The following MAGI1 variants were observed in gnomAD, a reference collection of about 807,000 sequenced individuals.
MAGI1 encodes membrane associated guanylate kinase, WW and PDZ domain containing 1.
MAGI1 carries 58 observed loss-of-function variants against 139.9 expected under a neutral mutation model. That is an observed-to-expected ratio of 0.41 (90% CI 0.34 to 0.52). The LOEUF is 0.52. MAGI1 is among the 20% of genes least tolerant of loss of function. The pLI is 0.12. For missense variants in MAGI1, 1,874 were observed against 1,901.6 expected (o/e 0.99, Z 0.27); for synonymous variants, 812 against 737.9 (o/e 1.10, Z -1.63).
At chr3:65,640,736 G>A (rs1176669517) in intron 1 of MAGI1, among the ~76,000 whole-genome samples, 1 of 152,170 alleles carries the variant, frequency 6.6e-6, no homozygotes, top group Non-Finnish European at 1.5e-5. Flanking sequence ...CTTATATACT[G>A]ACGTATTTAC....
intron 1 of MAGI1, among the ~76,000 whole-genome samples, chr3:65,811,204 T>C (rs1378908294): frequency 6.6e-6 from 1 of 152,220 alleles, no homozygotes; most frequent in Non-Finnish European, 1.5e-5. Context: ...TCTTGGCTCT[T>C]CAACATTTGA....
chr3:65,478,904 T>A, intron 3 of MAGI1, 106 bp from the exon 4 acceptor site: 3 of 818,730 alleles, frequency 3.7e-6, no homozygotes, highest in Non-Finnish European at 6.1e-6. Context: ...AAAATTAAAC[T>A]AGAAAACCAG....
intron 1 of MAGI1, among the ~76,000 whole-genome samples, chr3:65,857,340 T>C (rs9820754): frequency 0.026 from 4,031 of 152,352 alleles, 81 homozygotes; most frequent in Middle Eastern, 0.068. Context: ...AGATGTCCTA[T>C]TCTTCACATT....
In MAGI1 at chr3:65,373,614, G is replaced by C. The variant is rs567817498; in HGVS notation, c.3196+2131C>G. 3.3e-4 allele frequency among the ~76,000 whole-genome samples: 50 copies of C among 152,226 alleles called. 1 individual carries two copies. The highest frequency in any genetic ancestry group is 6.0e-4 in the Non-Finnish European group (41 of 68,024). ...GCAATAAAATGAAGTGCAATGAAAG[G>C]GGGGATGTCTGGACCGCATTTGGCT... On this transcript the variant is annotated intron_variant, in intron 18 of 22. Transcript: ENST00000402939.
intron 1 of MAGI1, among the ~76,000 whole-genome samples, chr3:65,763,684 A>C (rs1046520929): frequency 1.3e-5 from 2 of 152,186 alleles, no homozygotes; most frequent in African/African-American, 4.8e-5. Flanking sequence ...TCCCTACACT[A>C]ATGGTAACAA....
chr3:65,609,800 C>A, intron 2 of MAGI1: 1 of 331,502 alleles, frequency 3.0e-6, no homozygotes, highest in Non-Finnish European at 6.1e-6. Flanking sequence ...TGGTCTCAAA[C>A]TCCTGGGCTC....
At chr3:65,782,202 A>G (rs564497468) in intron 1 of MAGI1, among the ~76,000 whole-genome samples, 1 of 152,306 alleles carries the variant, frequency 6.6e-6, no homozygotes, top group East Asian at 1.9e-4. Flanking sequence ...AATTAAGGTC[A>G]CTAATTATGG....
At position 65,692,507 on chromosome 3, in the gene MAGI1, CA is replaced by C. The variant is rs559433122; in HGVS notation, c.314-70420del. 1.2e-4 allele frequency among the ~76,000 whole-genome samples: 19 copies of C among 152,290 alleles called. No individual in the cohort carries two copies. The East Asian group carries it at 3.7e-3, about 29-fold the overall frequency. On this transcript the variant is annotated intron_variant, in intron 1 of 22. Transcript: ENST00000402939. ...TTGACTTACCCTACATAGACTTACACAATTCATATATCCCTGAGAGATAGCC... is the reference window on the plus strand; with the variant it reads ...TTGACTTACCCTACATAGACTTACACATTCATATATCCCTGAGAGATAGCC...
intron 1 of MAGI1, among the ~76,000 whole-genome samples, chr3:65,685,431 A>G (rs984829525): frequency 5.3e-5 from 8 of 152,156 alleles, no homozygotes; most frequent in African/African-American, 1.9e-4. Context: ...CTTAGTTTTC[A>G]AACAGTCTCT....
chr3:65,539,970 G>T (rs1347968632), intron 2 of MAGI1, among the ~76,000 whole-genome samples: 2 of 152,016 alleles, frequency 1.3e-5, no homozygotes, highest in Admixed American at 1.3e-4. Flanking sequence ...CTTACTACCT[G>T]AACTCAGGCA....
chr3:65,635,119 C>T (rs774455740), intron 1 of MAGI1, among the ~76,000 whole-genome samples: 3 of 151,944 alleles, frequency 2.0e-5, no homozygotes. Context: ...GGCTGGAGTA[C>T]AATGGTGTGG....
chr3:66,007,843 A>C (rs2067110213), intron 1 of MAGI1, among the ~76,000 whole-genome samples: 1 of 152,078 alleles, frequency 6.6e-6, no homozygotes, highest in Admixed American at 6.6e-5. Flanking sequence ...AGGAGGGAAG[A>C]ATGTGTGCCC....
intron 2 of MAGI1, among the ~76,000 whole-genome samples, chr3:65,538,740 C>A (rs1377947218): frequency 6.6e-6 from 1 of 152,110 alleles, no homozygotes; most frequent in Non-Finnish European, 1.5e-5. Context: ...GGAAGGGCAG[C>A]AGTCAGACCC....
chr3:65,931,269 G>A (rs1045445747), intron 1 of MAGI1, among the ~76,000 whole-genome samples: 6 of 152,088 alleles, frequency 3.9e-5, no homozygotes, highest in African/African-American at 9.7e-5. Flanking sequence ...TGTTGACCTC[G>A]TGATCCACCC....
intron 1 of MAGI1, among the ~76,000 whole-genome samples, chr3:65,691,311 A>AAAAAAAG (rs1454212169): frequency 6.6e-6 from 1 of 150,922 alleles, no homozygotes; most frequent in African/African-American, 2.4e-5. Flanking sequence ...TCAAAAAAAA[A>AAAAAAAG]AAAAGAAAAG....
chr3:65,964,557 A>G (rs1358975043), intron 1 of MAGI1, among the ~76,000 whole-genome samples: 1 of 152,136 alleles, frequency 6.6e-6, no homozygotes, highest in African/African-American at 2.4e-5. Context: ...CATCTCTTTC[A>G]TTTGCTCCCA....
chr3:65,792,541 T>C (rs2039856980), intron 1 of MAGI1, among the ~76,000 whole-genome samples: 1 of 152,074 alleles, frequency 6.6e-6, no homozygotes, highest in African/African-American at 2.4e-5. Flanking sequence ...GCTAATAATA[T>C]ATTGTTATAG....
At chr3:65,945,530 TGAAAAACTA>T (rs773748787) in intron 1 of MAGI1, among the ~76,000 whole-genome samples, 33,113 of 151,986 alleles carry the variant, frequency 0.22, 4,718 homozygotes, top group Non-Finnish European at 0.31. Flanking sequence ...TAGACAAGGG[TGAAAAACTA>T]ATTTAGGAGT....
intron 1 of MAGI1, among the ~76,000 whole-genome samples, chr3:65,894,241 A>G (rs2060881227): frequency 6.6e-6 from 1 of 152,236 alleles, no homozygotes; most frequent in South Asian, 2.1e-4. Flanking sequence ...TACTAGTGAG[A>G]AAATGGAAGT....
Sources: gnomAD v4.1 joint callset for allele counts (sites outside exome capture counted in the v4.1 genomes callset) on GRCh38, gnomAD v4.1.1 for gene constraint, MANE v1.5 for transcripts, NCBI Gene and HGNC (gene_info 2026-07-23, HGNC 2026-07-21) for gene names.